SLC35D4: variants seen among roughly 807,000 people sequenced by gnomAD.
The protein encoded by SLC35D4 is UDP-N-acetylglucosamine transporter SLC35D4.
At chr18:23,416,400 T>C in the SLC35D4 span, among the ~76,000 whole-genome samples, 1 of 152,182 alleles carries the variant, frequency 6.6e-6, no homozygotes, top group Admixed American at 6.5e-5. Context: ...ATATTTCCAT[T>C]TTTAGAAGAG....
chr18:23,325,835 C>G, the SLC35D4 span, among the ~76,000 whole-genome samples: 1 of 152,182 alleles, frequency 6.6e-6, no homozygotes, highest in East Asian at 1.9e-4. Context: ...AGGGCCCCCC[C>G]ACCCCGTGTG....
chr18:23,255,856 C>T, the SLC35D4 span, among the ~76,000 whole-genome samples: 56 of 152,154 alleles, frequency 3.7e-4, no homozygotes, highest in African/African-American at 1.2e-3. Context: ...TCACCATACC[C>T]GGCCAAGAAT....
chr18:23,316,058 T>A, the SLC35D4 span, among the ~76,000 whole-genome samples: 1 of 152,224 alleles, frequency 6.6e-6, no homozygotes, highest in African/African-American at 2.4e-5. Context: ...CTAAACAGCA[T>A]CTGCACTGGC....
At chr18:23,358,891 C>T in the SLC35D4 span, among the ~76,000 whole-genome samples, 3 of 152,154 alleles carry the variant, frequency 2.0e-5, no homozygotes, top group Non-Finnish European at 2.9e-5. Flanking sequence ...AAGTAGTACT[C>T]CTAAGCAGAG....
chr18:23,289,010 C>T, the SLC35D4 span, among the ~76,000 whole-genome samples: 470 of 152,308 alleles, frequency 3.1e-3, 2 homozygotes, highest in African/African-American at 0.01. Flanking sequence ...AGCTCCTGTA[C>T]GGACGCTCCT....
At chr18:23,266,832 C>G in the SLC35D4 span, among the ~76,000 whole-genome samples, 1 of 152,242 alleles carries the variant, frequency 6.6e-6, no homozygotes, top group East Asian at 1.9e-4. Context: ...CTCAGCGGCA[C>G]CCGCCCTGCA....
the SLC35D4 span, chr18:23,356,562 G>A: frequency 1.2e-6 from 2 of 1,610,658 alleles, no homozygotes; most frequent in Non-Finnish European, 8.5e-7. The surrounding 1 kb of genome is among the most constrained non-coding windows in gnomAD (Gnocchi z 4.1). Context: ...GGACAGCACA[G>A]AAAGCATACA....
chr18:23,352,287 C>T, the SLC35D4 span: 1 of 1,606,474 alleles, frequency 6.2e-7, no homozygotes, highest in Non-Finnish European at 8.5e-7. Flanking sequence ...TCCCAAAAAT[C>T]CACTGGAAGG....
the SLC35D4 span, among the ~76,000 whole-genome samples, chr18:23,391,782 T>G: frequency 2.6e-4 from 40 of 152,040 alleles, no homozygotes; most frequent in Non-Finnish European, 5.4e-4. Flanking sequence ...CCACCATGTC[T>G]AGACTTTCAT....
the SLC35D4 span, among the ~76,000 whole-genome samples, chr18:23,421,181 T>A: frequency 1.3e-5 from 2 of 151,946 alleles, 1 homozygote; most frequent in Non-Finnish European, 2.9e-5. Flanking sequence ...GAAGCAGAGG[T>A]TGCAGCGAGC....
chr18:23,300,010 T>A, the SLC35D4 span, among the ~76,000 whole-genome samples: 3 of 152,192 alleles, frequency 2.0e-5, no homozygotes, highest in African/African-American at 7.2e-5. Flanking sequence ...AGATCTGTAA[T>A]CATCATTGTC....
the SLC35D4 span, among the ~76,000 whole-genome samples, chr18:23,334,796 G>A: frequency 6.6e-6 from 1 of 151,998 alleles, no homozygotes; most frequent in Non-Finnish European, 1.5e-5. Context: ...AGGTCGGACG[G>A]GTTCGAGACC....
At chr18:23,279,141 A>G in the SLC35D4 span, among the ~76,000 whole-genome samples, 4 of 152,170 alleles carry the variant, frequency 2.6e-5, no homozygotes, top group Admixed American at 2.6e-4. Flanking sequence ...CACTATCCTT[A>G]GACCACAGCT....
At chr18:23,282,226 A>G in the SLC35D4 span, among the ~76,000 whole-genome samples, 1 of 152,158 alleles carries the variant, frequency 6.6e-6, no homozygotes, top group Non-Finnish European at 1.5e-5. Context: ...TGACTCAAAT[A>G]TTCCTTTTGC....
At chr18:23,408,271 C>T in the SLC35D4 span, among the ~76,000 whole-genome samples, 1 of 152,112 alleles carries the variant, frequency 6.6e-6, no homozygotes, top group African/African-American at 2.4e-5. Flanking sequence ...GTCTGTCTAC[C>T]TCAACTAGAA....
the SLC35D4 span, among the ~76,000 whole-genome samples, chr18:23,424,254 T>C: frequency 2.6e-5 from 4 of 152,210 alleles, no homozygotes; most frequent in Non-Finnish European, 5.9e-5. Context: ...TTCTGAGTTG[T>C]GCAGTTAAAT....
At chr18:23,273,700 G>A in the SLC35D4 span, among the ~76,000 whole-genome samples, 2 of 152,130 alleles carry the variant, frequency 1.3e-5, no homozygotes, top group Admixed American at 6.6e-5. Context: ...GGATTTTAAA[G>A]TCATTCGCCT....
the SLC35D4 span, among the ~76,000 whole-genome samples, chr18:23,313,876 C>T: frequency 6.6e-6 from 1 of 152,212 alleles, no homozygotes; most frequent in East Asian, 1.9e-4. Flanking sequence ...CCTCTTTGTG[C>T]TCCACACTTG....
the SLC35D4 span, among the ~76,000 whole-genome samples, chr18:23,265,352 A>G: frequency 1.3e-5 from 2 of 151,924 alleles, no homozygotes; most frequent in African/African-American, 2.4e-5. Flanking sequence ...AACTCACTCA[A>G]TTTCTCCCAA....
Sources: gnomAD v4.1 joint callset for allele counts (sites outside exome capture counted in the v4.1 genomes callset) on GRCh38, gnomAD v4.1.1 for gene constraint, Gnocchi (gnomAD v3.1) non-coding constraint, MANE v1.5 for transcripts, NCBI Gene and HGNC (gene_info 2026-07-23, HGNC 2026-07-21) for gene names.